The following PIK3C2G variants were observed in gnomAD, a reference collection of about 807,000 sequenced individuals.
PIK3C2G encodes phosphatidylinositol-4-phosphate 3-kinase catalytic subunit type 2 gamma.
A neutral mutation model predicts 181.1 loss-of-function variants in PIK3C2G; 168 were observed. The ratio of observed to expected loss-of-function variants is 0.93; its 90% confidence interval spans 0.82 to 1.05. PIK3C2G has a LOEUF of 1.05. Among genes scored for constraint, PIK3C2G ranks in the 50% least tolerant of loss-of-function variants. The pLI is 0.00. For missense variants in PIK3C2G, 1,869 were observed against 1,732.8 expected, an observed-to-expected ratio of 1.08 and a Z score of -1.40; for synonymous variants, 573 against 592.2, an observed-to-expected ratio of 0.97 and a Z score of 0.47.
chr12:18,471,690 A>G (rs1022248679), intron 18 of PIK3C2G, among the ~76,000 whole-genome samples: 4 of 152,100 alleles, frequency 2.6e-5, no homozygotes, highest in African/African-American at 9.7e-5. Flanking sequence ...AACAATGGTA[A>G]TTTCTTCCTA....
the PIK3C2G span, among the ~76,000 whole-genome samples, chr12:18,673,915 G>A: frequency 1.3e-5 from 2 of 152,184 alleles, no homozygotes; most frequent in African/African-American, 2.4e-5. Context: ...TAGTGTGCAA[G>A]CCAAGAAAAC....
intron 8 of PIK3C2G, among the ~76,000 whole-genome samples, chr12:18,332,719 T>C (rs752228217): frequency 3.2e-4 from 49 of 151,864 alleles, no homozygotes; most frequent in Non-Finnish European, 6.0e-4. Context: ...AAGCAAGGGG[T>C]TTTTGCCTGG....
At chr12:18,423,920 A>T (rs745550757) in intron 17 of PIK3C2G, 25 bp from the exon 18 acceptor site, 25 of 1,449,170 alleles carry the variant, frequency 1.7e-5, no homozygotes, top group Non-Finnish European at 2.3e-5. Context: ...ACTGAGAAGT[A>T]AAGTAATTGT....
At chr12:18,332,272 G>A (rs1938051694) in intron 8 of PIK3C2G, among the ~76,000 whole-genome samples, 1 of 152,116 alleles carries the variant, frequency 6.6e-6, no homozygotes, top group South Asian at 2.1e-4. Flanking sequence ...GTGCCAAAGA[G>A]ACAGTCTCTC....
intron 24 of PIK3C2G, among the ~76,000 whole-genome samples, chr12:18,508,012 C>T (rs1037569641): frequency 6.6e-6 from 1 of 152,166 alleles, no homozygotes; most frequent in Non-Finnish European, 1.5e-5. Context: ...CAGCCACACT[C>T]ATAATCGGTT....
At chr12:18,259,816 C>T (rs1031666458), upstream of PIK3C2G, among the ~76,000 whole-genome samples, 14 of 152,096 alleles carry the variant, frequency 9.2e-5, no homozygotes, top group African/African-American at 3.1e-4. Context: ...GTCTTAAATA[C>T]TTTGCCTAAA....
intron 18 of PIK3C2G, among the ~76,000 whole-genome samples, chr12:18,480,570 G>T (rs146049362): frequency 5.1e-4 from 77 of 152,210 alleles, no homozygotes; most frequent in African/African-American, 1.8e-3. Context: ...CCAAATTGAG[G>T]ACTAGTTAAA....
the PIK3C2G span, chr12:18,693,699 C>A: frequency 1.3e-6 from 2 of 1,564,888 alleles, no homozygotes; most frequent in Admixed American, 3.3e-5. Context: ...ATTCAGCGAA[C>A]AACGTTGGAA....
At chr12:18,316,257 C>G (rs572181247) in intron 6 of PIK3C2G, among the ~76,000 whole-genome samples, 1 of 151,970 alleles carries the variant, frequency 6.6e-6, no homozygotes, top group Admixed American at 6.6e-5. Flanking sequence ...TGTCAGCAAG[C>G]GCAGTTACAT....
chr12:18,626,818 TTTTC>T (rs1949120239), intron 31 of PIK3C2G, among the ~76,000 whole-genome samples: 1 of 152,022 alleles, frequency 6.6e-6, no homozygotes, highest in African/African-American at 2.4e-5. Context: ...TCTCAGAATT[TTTTC>T]TTTGATTTTT....
At chr12:18,286,766 T>C in intron 2 of PIK3C2G, 81 bp from the exon 3 acceptor site, 2 of 823,852 alleles carry the variant, frequency 2.4e-6, no homozygotes, top group Non-Finnish European at 1.9e-6. Context: ...TGAATGAAAC[T>C]TCAAAACAGG....
chr12:18,316,766 C>T (rs1308504836), intron 6 of PIK3C2G, among the ~76,000 whole-genome samples: 3 of 151,840 alleles, frequency 2.0e-5, no homozygotes, highest in African/African-American at 4.8e-5. Context: ...ATGGATAATA[C>T]ACCTGATGGC....
intron 31 of PIK3C2G, among the ~76,000 whole-genome samples, chr12:18,615,329 C>T (rs1422658361): frequency 4.9e-5 from 5 of 102,846 alleles, no homozygotes; most frequent in African/African-American, 1.9e-4. Flanking sequence ...TAGTATTCCA[C>T]GGTGTGTGTG....
chr12:18,466,029 T>G (rs1224343891), intron 18 of PIK3C2G, among the ~76,000 whole-genome samples: 1 of 151,632 alleles, frequency 6.6e-6, no homozygotes, highest in Non-Finnish European at 1.5e-5. Context: ...TCCTCAGCTA[T>G]TTTTAATATT....
At chr12:18,259,934 C>A (rs1443279195), upstream of PIK3C2G, among the ~76,000 whole-genome samples, 1 of 152,024 alleles carries the variant, frequency 6.6e-6, no homozygotes, top group Non-Finnish European at 1.5e-5. Context: ...CTTAATTGTT[C>A]TCTGGATTTT....
At chr12:18,537,271 T>A (rs1270040570) in intron 24 of PIK3C2G, among the ~76,000 whole-genome samples, 1 of 152,154 alleles carries the variant, frequency 6.6e-6, no homozygotes, top group East Asian at 1.9e-4. Flanking sequence ...CAATAATCCA[T>A]GACTTTTTAA....
At chr12:18,454,240 C>T (rs1947512724) in intron 18 of PIK3C2G, among the ~76,000 whole-genome samples, 1 of 151,974 alleles carries the variant, frequency 6.6e-6, no homozygotes. Flanking sequence ...AAATAATAAG[C>T]AAGATAAATA....
chr12:18,406,712 C>A (rs753156239), intron 16 of PIK3C2G, among the ~76,000 whole-genome samples: 16 of 152,082 alleles, frequency 1.1e-4, no homozygotes, highest in Non-Finnish European at 2.2e-4. Flanking sequence ...AACACAAGTG[C>A]AAGCAAGCAT....
intron 24 of PIK3C2G, among the ~76,000 whole-genome samples, chr12:18,518,793 T>C (rs1942725493): frequency 6.6e-6 from 1 of 152,244 alleles, no homozygotes; most frequent in African/African-American, 2.4e-5. Context: ...TTGCTCTTGC[T>C]TCTCTAGCAC....
Sources: allele counts gnomAD v4.1 joint callset (sites outside exome capture counted in the v4.1 genomes callset), GRCh38; gene constraint gnomAD v4.1.1; transcripts MANE v1.5; gene names NCBI Gene and HGNC (gene_info 2026-07-23, HGNC 2026-07-21).